The following ZGPAT variants were observed in gnomAD, a reference collection of about 807,000 sequenced individuals.
The protein encoded by ZGPAT is zinc finger CCCH-type and G-patch domain containing.
In ZGPAT, 39 loss-of-function variants were observed where a neutral mutation model predicts 47.9. That is an observed-to-expected ratio of 0.81 (90% confidence interval 0.63 to 1.06). The LOEUF (loss-of-function observed/expected upper bound fraction) is 1.06, where lower values mean the gene tolerates loss of function less well. Ranked by LOEUF, ZGPAT falls within the 50% of genes least tolerant of loss-of-function variation. The pLI is 0.00. For missense variants in ZGPAT, 717 were observed against 681.4 expected, an observed-to-expected ratio of 1.05 and a Z score of -0.58; for synonymous variants, 348 against 292.9, an observed-to-expected ratio of 1.19 and a Z score of -1.92.
intron 2 of ZGPAT, among the ~76,000 whole-genome samples, chr20:63,715,827 C>CATATAT (rs148206286): frequency 6.7e-6 from 1 of 148,498 alleles, no homozygotes; most frequent in Non-Finnish European, 1.5e-5. Flanking sequence ...TATATACAAT[C>CATATAT]ATATATAGAG....
chr20:63,733,367 G>A lies in ZGPAT; in HGVS notation c.718+15G>A. 1 of 1,607,534 alleles carries A rather than the reference G, an allele frequency of 6.2e-7. No individual in the cohort carries two copies. Among genetic ancestry groups the A allele is most frequent in the South Asian group, 1.1e-5 (1 of 90,914 alleles). On this transcript the variant is annotated intron_variant, in intron 3 of 6. Transcript: ENST00000355969. ...ACGCATCACCGGTGAGGCTGGCCGT[G>A]GGGGCCTCCCGGGAACACCCTCCCA...
chr20:63,716,458 G>T (rs368115479), intron 2 of ZGPAT, among the ~76,000 whole-genome samples: 2 of 151,648 alleles, frequency 1.3e-5, no homozygotes, highest in South Asian at 4.1e-4. Context: ...TGTAAGATCA[G>T]TAGTAATAGC....
At chr20:63,710,767 T>A (rs985375887) in intron 2 of ZGPAT, among the ~76,000 whole-genome samples, 1 of 152,178 alleles carries the variant, frequency 6.6e-6, no homozygotes, top group African/African-American at 2.4e-5. Flanking sequence ...AAGTCCGATG[T>A]GAGGACAAAA....
upstream of ZGPAT, chr20:63,707,776 G>C (rs1219749067): frequency 4.6e-5 from 7 of 152,292 alleles, no homozygotes; most frequent in Admixed American, 4.6e-4. Flanking sequence ...CCGACAAGCA[G>C]CCAAAGCTGG....
chr20:63,720,148 A>C lies in ZGPAT; in HGVS notation c.584+10984A>C, dbSNP rs1601327324. Reference sequence around the variant, plus strand: ...TCTATTAATTTCTTTATTTTTAAAAAATTTTTTTTAATTTTCTTTTTTTTT... The same window carrying C: ...TCTATTAATTTCTTTATTTTTAAAACATTTTTTTTAATTTTCTTTTTTTTT... On this transcript the variant is annotated intron_variant, in intron 2 of 6. Coordinates refer to ENST00000355969, the MANE Select transcript of ZGPAT (RefSeq NM_181485.3). 2.6e-5 allele frequency among the ~76,000 whole-genome samples: 4 copies of C among 151,698 alleles called. No individual in the cohort carries two copies. In the South Asian group the frequency reaches 8.3e-4, roughly 31 times the overall value.
chr20:63,724,588 T>A (rs1253829475), intron 2 of ZGPAT, among the ~76,000 whole-genome samples: 1 of 152,112 alleles, frequency 6.6e-6, no homozygotes, highest in Non-Finnish European at 1.5e-5. Context: ...ATTTTACCTT[T>A]CTTTTTTTTG....
At chr20:63,721,974 T>G (rs2091792640) in intron 2 of ZGPAT, among the ~76,000 whole-genome samples, 1 of 142,614 alleles carries the variant, frequency 7.0e-6, no homozygotes, top group South Asian at 2.1e-4. Flanking sequence ...GATCGTGCCA[T>G]TGCACTCCAG....
chr20:63,727,978 T>G (rs1004673723), intron 2 of ZGPAT, among the ~76,000 whole-genome samples: 6 of 152,104 alleles, frequency 3.9e-5, no homozygotes, highest in Non-Finnish European at 4.4e-5. Flanking sequence ...GGACTTAAAC[T>G]GCAAAACTTG....
chr20:63,734,119 C>CA, intron 4 of ZGPAT: 2 of 291,510 alleles, frequency 6.9e-6, no homozygotes, highest in Non-Finnish European at 1.3e-5. Flanking sequence ...TCCTGGCAGA[C>CA]AGAGGTTGTG....
rs746126031 is a variant in ZGPAT at position 63,727,669 on chromosome 20, CAAAAAAA to C, written c.585-5535_585-5529del. 6.5e-5 allele frequency among the ~76,000 whole-genome samples: 3 copies of C among 45,894 alleles called. No homozygotes were observed. The East Asian group carries it at 2.0e-3, about 31-fold the overall frequency. 30.1% of individuals were successfully genotyped at this position (45,894 alleles called of 152,430 possible). On this transcript the variant is annotated intron_variant, in intron 2 of 6. Coordinates refer to ENST00000355969, the MANE Select transcript of ZGPAT (RefSeq NM_181485.3). Reference sequence around the variant, plus strand: ...TGGGTGAGAGAGTGGGACTCGGTCTCAAAAAAAAAAAAAAAAAAAAAGGATTCTCTAT... The same window carrying C: ...TGGGTGAGAGAGTGGGACTCGGTCTCAAAAAAAAAAAAAAGGATTCTCTAT...
At chr20:63,716,094 A>G (rs2091725786) in intron 2 of ZGPAT, among the ~76,000 whole-genome samples, 2 of 152,018 alleles carry the variant, frequency 1.3e-5, no homozygotes, top group South Asian at 4.1e-4. Context: ...CAGTGGTGCC[A>G]TCTTGGCTCA....
Position 63,708,986 on chromosome 20 carries a change from G to C in ZGPAT, c.406G>C (p.Ala136Pro). Residue 136 changes from alanine to proline, a missense_variant, in exon 2 of 7, where the codon GCG becomes CCG. Coordinates refer to ENST00000355969, the MANE Select transcript of ZGPAT (RefSeq NM_181485.3). ...EEELSGTKVSAPYYSSWGTLE... is the reference protein window; with the variant it reads ...EEELSGTKVSPPYYSSWGTLE... ...AGAGCTGAGTGGGACAAAGGTGAGC[G>C]CGCCCTACTACAGCTCCTGGGGCAC... 1 of 1,613,578 alleles carries C rather than the reference G, an allele frequency of 6.2e-7. No homozygotes were observed. Among genetic ancestry groups the C allele is most frequent in the Non-Finnish European group, 8.5e-7 (1 of 1,180,020 alleles).
chr20:63,732,799 T>C (rs901700986), intron 2 of ZGPAT, among the ~76,000 whole-genome samples: 3 of 144,580 alleles, frequency 2.1e-5, no homozygotes, highest in African/African-American at 7.3e-5. Context: ...TGTGAGTGCA[T>C]GTTTATGCGT....
At chr20:63,714,709 C>T (rs796902181) in intron 2 of ZGPAT, among the ~76,000 whole-genome samples, 1 of 151,940 alleles carries the variant, frequency 6.6e-6, no homozygotes, top group Admixed American at 6.6e-5. Flanking sequence ...GTGGCATGAT[C>T]ATGGCTCACT....
chr20:63,708,894 C>T lies in ZGPAT; in HGVS notation c.314C>T (p.Pro105Leu), dbSNP rs6089764. 1.9e-6 allele frequency: 3 copies of T among 1,612,346 alleles called. No individual in the cohort carries two copies. Among genetic ancestry groups the T allele is most frequent in the East Asian group, 2.2e-5 (1 of 44,894 alleles). Residue 105 changes from proline to leucine, a missense_variant, in exon 2 of 7, where the codon CCT (proline) becomes CTT (leucine). Physicochemically the swap from Pro to Leu is moderately conservative, Grantham distance 98. Transcript: ENST00000355969. Reference protein sequence around the residue: ...AARGSGSETVPKAEAGPESAA... With the variant: ...AARGSGSETVLKAEAGPESAA... ...CGTGGGTCCGGATCAGAGACCGTTC[C>T]TAAAGCAGAGGCGGGGCCAGAATCT...
At chr20:63,731,519 G>GCATGTGCATACGTGTGTAAAGTGTACA (rs2091902665) in intron 2 of ZGPAT, among the ~76,000 whole-genome samples, 1 of 107,578 alleles carries the variant, frequency 9.3e-6, no homozygotes, top group African/African-American at 2.7e-5. Flanking sequence ...GTGTGTGTGT[G>GCATGTGCATACGTGTGTAAAGTGTACA]ATTGTGTGCA....
At chr20:63,710,159 C>CT (rs917583273) in intron 2 of ZGPAT, among the ~76,000 whole-genome samples, 32 of 138,366 alleles carry the variant, frequency 2.3e-4, no homozygotes, top group East Asian at 6.5e-4. Context: ...CGCGCCTGGC[C>CT]TTTTTTTTTT....
At chr20:63,731,397 C>T (rs1273819601) in intron 2 of ZGPAT, among the ~76,000 whole-genome samples, 1 of 144,728 alleles carries the variant, frequency 6.9e-6, no homozygotes, top group South Asian at 2.2e-4. Context: ...GTACAGTTGG[C>T]CCTTGGTGTG....
intron 2 of ZGPAT, among the ~76,000 whole-genome samples, chr20:63,718,832 C>T (rs1252766818): frequency 2.0e-5 from 3 of 151,844 alleles, no homozygotes; most frequent in Non-Finnish European, 4.4e-5. Flanking sequence ...TTTGGGAGGC[C>T]GAGGTGGGCA....
Sources: allele counts gnomAD v4.1 joint callset (sites outside exome capture counted in the v4.1 genomes callset), GRCh38; gene constraint gnomAD v4.1.1; transcripts MANE v1.5; gene names NCBI Gene and HGNC (gene_info 2026-07-23, HGNC 2026-07-21).